The following TTLL6 variants were observed in gnomAD, a reference collection of about 807,000 sequenced individuals.
The protein encoded by TTLL6 is tubulin tyrosine ligase like 6.
Under a neutral mutation model 96.4 loss-of-function variants are expected in TTLL6, and 75 were observed. That is an observed-to-expected ratio of 0.78 (90% CI 0.65 to 0.94). The LOEUF is 0.94. Among genes scored for constraint, TTLL6 ranks in the 40% least tolerant of loss-of-function variants. The pLI, the probability that TTLL6 is intolerant of heterozygous loss-of-function variation, is 0.00. For synonymous variants in TTLL6, 411 were observed against 419.4 expected, an observed-to-expected ratio of 0.98 and a Z score of 0.24; for missense variants, 1,030 against 1,093.0, an observed-to-expected ratio of 0.94 and a Z score of 0.81.
Position 48,769,918 on chromosome 17 carries a change from C to T in TTLL6, c.2220G>A (p.Met740Ile). The change falls in exon 14 of 16, where the codon ATG becomes ATA. Residue 740 changes from methionine (M) to isoleucine (I), a missense_variant. Met to Ile is a conservative substitution (Grantham distance 10). Coordinates refer to ENST00000393382, the MANE Select transcript of TTLL6 (RefSeq NM_001130918.3). The stretch of plus-strand genomic sequence containing the variant: ...ATTTTGTGGGCAGAAAAGATTTTAA[C>T]ATTTTCTTCTGGGTTAAGTGTGGAG... ...QTPPHLTQKK[M>I]LKSFLPTKSK... 6.2e-7 allele frequency: 1 copy of T among 1,614,194 alleles called. No individual in the cohort carries two copies. Among genetic ancestry groups the T allele is most frequent in the Middle Eastern group, 1.6e-4 (1 of 6,062 alleles).
intron 1 of TTLL6, among the ~76,000 whole-genome samples, chr17:48,811,981 G>A (rs972302457): frequency 6.6e-6 from 1 of 151,814 alleles, no homozygotes; most frequent in Non-Finnish European, 1.5e-5. Flanking sequence ...GATTACAGGC[G>A]TGAGCCACCA....
chr17:48,782,238 T>C (rs1334305551), intron 13 of TTLL6, among the ~76,000 whole-genome samples: 1 of 151,810 alleles, frequency 6.6e-6, no homozygotes, highest in Non-Finnish European at 1.5e-5. Context: ...CCCGAGTAGC[T>C]GGGATTACAA....
At chr17:48,772,139 A>C (rs1326723014) in intron 13 of TTLL6, among the ~76,000 whole-genome samples, 1 of 151,980 alleles carries the variant, frequency 6.6e-6, no homozygotes, top group Non-Finnish European at 1.5e-5. Context: ...AAGAAAAGAA[A>C]AGAAAGAAAC....
chr17:48,813,643 T>C (rs2039624867), intron 1 of TTLL6, among the ~76,000 whole-genome samples: 1 of 152,178 alleles, frequency 6.6e-6, no homozygotes, highest in South Asian at 2.1e-4. Flanking sequence ...TAAATTCCCA[T>C]CTCCAACAAG....
At chr17:48,779,769 T>G (rs1339706360) in intron 13 of TTLL6, among the ~76,000 whole-genome samples, 1 of 152,128 alleles carries the variant, frequency 6.6e-6, no homozygotes, top group Non-Finnish European at 1.5e-5. Flanking sequence ...TGGATTTATC[T>G]CAGAGATATG....
At chr17:48,779,979 G>A (rs1326492858) in intron 13 of TTLL6, among the ~76,000 whole-genome samples, 5 of 151,746 alleles carry the variant, frequency 3.3e-5, no homozygotes, top group East Asian at 1.9e-4. Context: ...CAAAATGTTC[G>A]TATCATGATA....
At chr17:48,808,108 G>A (rs1262184295) in intron 1 of TTLL6, among the ~76,000 whole-genome samples, 3 of 152,194 alleles carry the variant, frequency 2.0e-5, no homozygotes, top group African/African-American at 4.8e-5. Context: ...AAAGTGCTGG[G>A]ATTACAGGCG....
At chr17:48,803,811 T>C in intron 3 of TTLL6, 80 bp downstream of exon 3, 2 of 1,419,198 alleles carry the variant, frequency 1.4e-6, no homozygotes, top group Non-Finnish European at 1.9e-6. Context: ...TCCTCACAAA[T>C]ATACAAGAGT....
Position 48,769,755 on chromosome 17 carries a change from G to A in TTLL6, c.2383C>T (p.Pro795Ser), listed in dbSNP as rs766924703. 4 of 1,614,154 alleles carry A rather than the reference G, an allele frequency of 2.5e-6. No individual in the cohort carries two copies. Among genetic ancestry groups the A allele is most frequent in the Middle Eastern group, 1.7e-4 (1 of 6,014 alleles). Reference protein sequence around the residue: ...KLSFFPAHYNPKLGMNNLSQN... With the variant: ...KLSFFPAHYNSKLGMNNLSQN... The stretch of plus-strand genomic sequence containing the variant: ...GACAGGTTATTCATCCCCAGCTTGG[G>A]GTTGTAGTGAGCTGGGAAGAAGGAG... Residue 795 changes from proline to serine, a missense_variant, in exon 14 of 16, where the codon CCC (proline) becomes TCC (serine). Coordinates refer to ENST00000393382, the MANE Select transcript of TTLL6 (RefSeq NM_001130918.3).
chr17:48,791,065 G>GA (rs2039211533), intron 9 of TTLL6, among the ~76,000 whole-genome samples: 1 of 152,174 alleles, frequency 6.6e-6, no homozygotes, highest in African/African-American at 2.4e-5. Context: ...CAGCTTTGAT[G>GA]AAAAACGCCC....
intron 13 of TTLL6, among the ~76,000 whole-genome samples, chr17:48,772,329 A>T (rs1171134442): frequency 6.6e-6 from 1 of 152,108 alleles, no homozygotes; most frequent in Non-Finnish European, 1.5e-5. Flanking sequence ...TTAAAAAATT[A>T]AAATAATAGA....
At chr17:48,783,523 C>T (rs942131891) in intron 13 of TTLL6, among the ~76,000 whole-genome samples, 7 of 151,928 alleles carry the variant, frequency 4.6e-5, no homozygotes, top group Admixed American at 1.3e-4. Flanking sequence ...CCTCCACCTA[C>T]CGGGTTCAAG....
chr17:48,785,392 G>A (rs533030031), intron 12 of TTLL6, among the ~76,000 whole-genome samples, 191 bp from the exon 13 acceptor site: 1 of 152,202 alleles, frequency 6.6e-6, no homozygotes, highest in African/African-American at 2.4e-5. Flanking sequence ...TAGCTCACAG[G>A]GTCTCTGAGC....
At chr17:48,797,393 A>T (rs1475965336) in intron 6 of TTLL6, among the ~76,000 whole-genome samples, 189 bp from the exon 7 acceptor site, 1 of 152,164 alleles carries the variant, frequency 6.6e-6, no homozygotes, top group Non-Finnish European at 1.5e-5. Flanking sequence ...GACCCTGTGG[A>T]GGTCACTAAA....
intron 15 of TTLL6, among the ~76,000 whole-genome samples, chr17:48,767,487 G>A (rs540991039): frequency 1.3e-5 from 2 of 152,262 alleles, no homozygotes; most frequent in East Asian, 3.9e-4. Context: ...GAAGGCCCTG[G>A]AATATGCATT....
intron 6 of TTLL6, among the ~76,000 whole-genome samples, chr17:48,798,515 C>T (rs1395858115): frequency 3.3e-5 from 5 of 151,974 alleles, no homozygotes; most frequent in African/African-American, 1.2e-4. Flanking sequence ...TGCAGTGAGC[C>T]GAGATTGCAC....
At chr17:48,783,405 C>T (rs1344301516) in intron 13 of TTLL6, among the ~76,000 whole-genome samples, 13 of 149,594 alleles carry the variant, frequency 8.7e-5, no homozygotes, top group Non-Finnish European at 1.5e-5. Flanking sequence ...CAACTGTCAC[C>T]TTAAGTGAAT....
In TTLL6 at chr17:48,802,527, A is replaced by C. The variant is rs186502004; in HGVS notation, c.362-884T>G. ...GGCCTAGAATGGGAGAAGTGCCTGC[A>C]GTAACCGGGACAGGACAAGACTACC... On this transcript the variant is annotated intron_variant, in intron 3 of 15. Transcript: ENST00000393382. 2.6e-5 allele frequency among the ~76,000 whole-genome samples: 4 copies of C among 152,354 alleles called. 1 individual carries two copies. In the East Asian group the frequency reaches 7.7e-4, roughly 29 times the overall value.
At chr17:48,774,798 T>C (rs1567717423) in intron 13 of TTLL6, among the ~76,000 whole-genome samples, 1 of 152,136 alleles carries the variant, frequency 6.6e-6, no homozygotes, top group South Asian at 2.1e-4. Flanking sequence ...CAGGCCCAGA[T>C]AGTTTCTCTG....
Sources: gnomAD v4.1 joint callset for allele counts (sites outside exome capture counted in the v4.1 genomes callset) on GRCh38, gnomAD v4.1.1 for gene constraint, MANE v1.5 for transcripts, NCBI Gene and HGNC (gene_info 2026-07-23, HGNC 2026-07-21) for gene names.